Variants in RB1 observed in about 807,000 individuals in gnomAD.
RB1 encodes the protein RB transcriptional corepressor 1, also known as retinoblastoma-associated protein.
In RB1, 18 loss-of-function variants were observed where a neutral mutation model predicts 135.4. The ratio of observed to expected loss-of-function variants is 0.13; its 90% CI spans 0.09 to 0.20. RB1 has a LOEUF of 0.20. Ranked by LOEUF, RB1 falls within the 10% of genes least tolerant of loss-of-function variation. The probability of loss-of-function intolerance (pLI) is 1.00; values close to 1 mark genes in which losing one functional copy is unlikely to be tolerated. For synonymous variants in RB1, 365 were observed against 373.2 expected, an observed-to-expected ratio of 0.98 and a Z score of 0.25; for missense variants, 868 against 1,110.0, an observed-to-expected ratio of 0.78 and a Z score of 3.10.
intron 17 of RB1, among the ~76,000 whole-genome samples, chr13:48,450,822 G>GT (rs1949322485): frequency 6.6e-6 from 1 of 152,178 alleles, no homozygotes; most frequent in African/African-American, 2.4e-5. Flanking sequence ...AGCATGGAAT[G>GT]TTTTTCCATT....
At chr13:48,325,117 C>A (rs1177652224) in intron 2 of RB1, among the ~76,000 whole-genome samples, 1 of 152,014 alleles carries the variant, frequency 6.6e-6, no homozygotes, top group Non-Finnish European at 1.5e-5. Flanking sequence ...TTGTCCTAAT[C>A]CGCTTCCTCT....
At chr13:48,334,358 T>C (rs1952364717) in intron 2 of RB1, among the ~76,000 whole-genome samples, 1 of 152,180 alleles carries the variant, frequency 6.6e-6, no homozygotes. Context: ...TTCTAGCGTC[T>C]TAGCCTGTTA....
At chr13:48,327,706 G>A (rs537598425) in intron 2 of RB1, among the ~76,000 whole-genome samples, 2 of 152,112 alleles carry the variant, frequency 1.3e-5, no homozygotes, top group Non-Finnish European at 2.9e-5. Context: ...AGGTAATAAG[G>A]GAGTTAAGAG....
At position 48,363,462 on chromosome 13, in the gene RB1, C is replaced by G. The variant is rs4151487; in HGVS notation, c.861+505C>G. Among the ~76,000 whole-genome samples, 4,584 of 152,138 alleles carry G rather than the reference C, an allele frequency of 0.03. 221 individuals are homozygous for G. Among genetic ancestry groups the G allele is most frequent in the African/African-American group, 0.1 (4,139 of 41,504 alleles). On this transcript the variant is annotated intron_variant, in intron 8 of 26. Coordinates refer to ENST00000267163, the MANE Select transcript of RB1 (RefSeq NM_000321.3). ...GTCCCAGCTACTTGGAAGACTGAGGCAAAAGGATTGCTTGAGCCCAGAAGT... is the reference window on the plus strand; with the variant it reads ...GTCCCAGCTACTTGGAAGACTGAGGGAAAAGGATTGCTTGAGCCCAGAAGT...
intron 17 of RB1, among the ~76,000 whole-genome samples, chr13:48,394,380 G>A (rs1948632197): frequency 6.6e-6 from 1 of 152,156 alleles, no homozygotes; most frequent in South Asian, 2.1e-4. Flanking sequence ...CTCCAGTGGT[G>A]CCTGGAATGA....
intron 2 of RB1, among the ~76,000 whole-genome samples, chr13:48,313,211 T>A (rs1250482195): frequency 2.0e-5 from 3 of 152,172 alleles, no homozygotes; most frequent in African/African-American, 2.4e-5. Context: ...TAGCCTAAAT[T>A]CTGTTTTTAA....
At chr13:48,441,439 A>G (rs1191105956) in intron 17 of RB1, among the ~76,000 whole-genome samples, 1 of 152,236 alleles carries the variant, frequency 6.6e-6, no homozygotes, top group Non-Finnish European at 1.5e-5. Context: ...TAACATGTGC[A>G]TATCAACAAA....
intron 17 of RB1, among the ~76,000 whole-genome samples, chr13:48,449,601 A>C (rs369917737): frequency 6.6e-6 from 1 of 152,138 alleles, no homozygotes; most frequent in African/African-American, 2.4e-5. Context: ...CTACAAAAAA[A>C]ATTTCAGAAA....
At chr13:48,346,636 C>T (rs2138089968) in intron 4 of RB1, among the ~76,000 whole-genome samples, 1 of 151,660 alleles carries the variant, frequency 6.6e-6, no homozygotes, top group East Asian at 1.9e-4. Context: ...CATATCTAAA[C>T]ATAAAATGTT....
At chr13:48,397,134 C>A (rs929626382) in intron 17 of RB1, among the ~76,000 whole-genome samples, 1 of 152,152 alleles carries the variant, frequency 6.6e-6, no homozygotes, top group Non-Finnish European at 1.5e-5. Flanking sequence ...ACCCAGTAAT[C>A]CCATTACTGA....
chr13:48,304,558 A>G (rs1201292159), intron 1 of RB1, among the ~76,000 whole-genome samples: 1 of 152,096 alleles, frequency 6.6e-6, no homozygotes, highest in Admixed American at 6.5e-5. Context: ...AGCCTTGGAC[A>G]AGAAGCGCAG....
chr13:48,332,243 A>T (rs2138069930), intron 2 of RB1, among the ~76,000 whole-genome samples: 1 of 152,318 alleles, frequency 6.6e-6, no homozygotes. Flanking sequence ...GAATGTGGAG[A>T]TGTTTGTCAA....
Position 48,446,044 on chromosome 13 carries a change from G to C in RB1, c.1696-6949G>C, listed in dbSNP as rs1363958107. Among the ~76,000 whole-genome samples, 12 of 152,132 alleles carry C rather than the reference G, an allele frequency of 7.9e-5. 1 individual carries two copies. Among genetic ancestry groups the C allele is most frequent in the Admixed American group, 7.9e-4 (12 of 15,260 alleles). On this transcript the variant is annotated intron_variant, in intron 17 of 26. Coordinates refer to ENST00000267163, the MANE Select transcript of RB1 (RefSeq NM_000321.3). ...ACGATCTCAGCTCACTGCAACCTCT[G>C]CCCTCTGGGTTCAAGCGATTCTCCT...
intron 17 of RB1, among the ~76,000 whole-genome samples, chr13:48,437,515 T>C (rs1949196030): frequency 6.6e-6 from 1 of 152,232 alleles, no homozygotes; most frequent in Non-Finnish European, 1.5e-5. Flanking sequence ...TGAGAGATTC[T>C]TAAATTGTCA....
At chr13:48,322,973 GT>G (rs1593424041) in intron 2 of RB1, among the ~76,000 whole-genome samples, 1 of 151,744 alleles carries the variant, frequency 6.6e-6, no homozygotes, top group Non-Finnish European at 1.5e-5. Context: ...TTGGTCTTTA[GT>G]TTTTTTCCTT....
chr13:48,432,619 C>T (rs1344582011), intron 17 of RB1, among the ~76,000 whole-genome samples: 4 of 152,032 alleles, frequency 2.6e-5, no homozygotes, highest in Middle Eastern at 3.2e-3. Flanking sequence ...TCCTGTTTAC[C>T]TCAAGAGACT....
chr13:48,382,356 T>C (rs1018209006), intron 17 of RB1, among the ~76,000 whole-genome samples: 1 of 152,136 alleles, frequency 6.6e-6, no homozygotes, highest in African/African-American at 2.4e-5. Context: ...CTCTCCAGCA[T>C]CTGTTGTTTC....
intron 2 of RB1, chr13:48,317,532 G>A: frequency 2.3e-6 from 1 of 437,104 alleles, no homozygotes. Context: ...CGGCCTCGGT[G>A]CCCGCTGTGG....
At chr13:48,474,820 T>C (rs1248438700) in intron 24 of RB1, among the ~76,000 whole-genome samples, 1 of 152,174 alleles carries the variant, frequency 6.6e-6, no homozygotes, top group African/African-American at 2.4e-5. Context: ...AAGTCACTAA[T>C]TCAGCAGTCC....
Sources: allele counts gnomAD v4.1 joint callset (sites outside exome capture counted in the v4.1 genomes callset), GRCh38; gene constraint gnomAD v4.1.1; transcripts MANE v1.5; gene names NCBI Gene and HGNC (gene_info 2026-07-23, HGNC 2026-07-21).